Variants in ENO4 observed in about 807,000 individuals in gnomAD.
ENO4 encodes the protein enolase 4.
ENO4 carries 53 observed loss-of-function variants against 63.2 expected under a neutral mutation model. That is an observed-to-expected ratio of 0.84 (90% CI 0.67 to 1.05). The LOEUF (loss-of-function observed/expected upper bound fraction) is 1.05, where lower values mean the gene tolerates loss of function less well. ENO4 is among the 50% of genes least tolerant of loss of function. The pLI, the probability that ENO4 is intolerant of heterozygous loss-of-function variation, is 0.00. For missense variants in ENO4, 719 were observed against 772.0 expected, an observed-to-expected ratio of 0.93 and a Z score of 0.81; for synonymous variants, 266 against 283.8, an observed-to-expected ratio of 0.94 and a Z score of 0.63.
intron 1 of ENO4, 74 bp downstream of exon 1, chr10:116,849,805 G>A (rs1846011113): frequency 4.3e-6 from 6 of 1,407,618 alleles, no homozygotes; most frequent in Non-Finnish European, 5.7e-6. Flanking sequence ...AACGCCTTGC[G>A]CCTGCGCCTG....
In ENO4 at chr10:116,881,646, G is replaced by C; in HGVS notation, c.1855G>C (p.Glu619Gln). 2 of 1,546,780 alleles carry C rather than the reference G, an allele frequency of 1.3e-6. No homozygotes were observed. The highest frequency in any genetic ancestry group is 1.7e-6 in the Non-Finnish European group (2 of 1,145,302). ...FPTQGVEESA[E>Q]TGASSG ...CACACAAGGTGTAGAGGAATCAGCC[G>C]AAACAGGAGCATCCTCTGGATAGGG... is the stretch of plus-strand genomic sequence containing the variant. The change falls in exon 14 of 14, where the codon GAA (glutamate) becomes CAA (glutamine). Residue 619 changes from glutamate to glutamine, a missense_variant. Coordinates refer to ENST00000341276, the MANE Select transcript of ENO4 (RefSeq NM_001242699.2).
intron 10 of ENO4, among the ~76,000 whole-genome samples, chr10:116,896,335 GT>G (rs1847519450): frequency 6.6e-6 from 1 of 152,086 alleles, no homozygotes; most frequent in Non-Finnish European, 1.5e-5. Flanking sequence ...CTTGACTTAT[GT>G]TTCAGAAACA....
intron 10 of ENO4, among the ~76,000 whole-genome samples, chr10:116,893,575 T>TACACACACACACACACACACACACAC (rs1564861763): frequency 2.7e-3 from 2 of 740 alleles, no homozygotes; most frequent in Non-Finnish European, 6.4e-3. Context: ...GGCACTCATG[T>TACACACACACACACACACACACACAC]GCACACACAC....
intron 10 of ENO4, among the ~76,000 whole-genome samples, chr10:116,910,892 A>C (rs1416065720): frequency 6.6e-6 from 1 of 152,250 alleles, no homozygotes; most frequent in Non-Finnish European, 1.5e-5. Context: ...AAACTAAAGC[A>C]AACTAATTAA....
intron 10 of ENO4, among the ~76,000 whole-genome samples, chr10:116,888,156 G>A (rs576528019): frequency 1.3e-5 from 2 of 152,342 alleles, no homozygotes; most frequent in South Asian, 4.1e-4. Flanking sequence ...GGGACAGGCT[G>A]TGCTGTAGTG....
intron 9 of ENO4, among the ~76,000 whole-genome samples, chr10:116,871,899 GA>G (rs1846704799): frequency 6.6e-6 from 1 of 152,138 alleles, no homozygotes; most frequent in South Asian, 2.1e-4. Flanking sequence ...CAGGTTCATT[GA>G]AAAACATCCT....
At chr10:116,855,574 AAAC>A (rs1423955214) in intron 1 of ENO4, 46 bp from the exon 2 acceptor site, 17 of 1,535,178 alleles carry the variant, frequency 1.1e-5, no homozygotes, top group Admixed American at 2.0e-5. Context: ...TTTTTTCCCC[AAAC>A]AACAACTTGA....
chr10:116,859,220 GTC>G, intron 4 of ENO4, 82 bp downstream of exon 4: 1 of 1,409,508 alleles, frequency 7.1e-7, no homozygotes, highest in Non-Finnish European at 9.3e-7. Flanking sequence ...GCCTTTCTGA[GTC>G]TCTTGGCTAC....
At chr10:116,879,808 T>A (rs769646958) in intron 12 of ENO4, 61 bp from the exon 13 acceptor site, 258 of 1,250,034 alleles carry the variant, frequency 2.1e-4, no homozygotes, top group Non-Finnish European at 2.8e-4. Context: ...TTTAAAGAAT[T>A]GTTTGTCGTT....
chr10:116,856,349 A>G (rs1322624173), intron 2 of ENO4, 143 bp from the exon 3 acceptor site: 1 of 692,146 alleles, frequency 1.4e-6, no homozygotes, highest in Non-Finnish European at 2.3e-6. Context: ...CAGCTATAAA[A>G]ATATCTCAAA....
intron 10 of ENO4, among the ~76,000 whole-genome samples, chr10:116,891,519 G>T (rs762227488): frequency 6.6e-6 from 1 of 152,160 alleles, no homozygotes; most frequent in Non-Finnish European, 1.5e-5. Flanking sequence ...AAAACAGAAA[G>T]ATTTAAATTT....
chr10:116,906,223 C>G lies in ENO4; in HGVS notation c.1195-5276C>G, dbSNP rs74433477. 4.2e-3 allele frequency among the ~76,000 whole-genome samples: 637 copies of G among 152,306 alleles called. 4 individuals are homozygous for G. Among genetic ancestry groups the G allele is most frequent in the African/African-American group, 0.015 (626 of 41,576 alleles). ...TATTCTCATTATATAGATGAAGAAACTGAGGCACAAAGAGGTTCAGTAATT... is the reference window on the plus strand; with the variant it reads ...TATTCTCATTATATAGATGAAGAAAGTGAGGCACAAAGAGGTTCAGTAATT... On this transcript the variant is annotated intron_variant, in intron 10 of 10. Coordinates refer to the ENO4 transcript ENST00000369207.
At chr10:116,884,165 A>AC (rs1847099665), downstream of ENO4, 1 of 454,022 alleles carries the variant, frequency 2.2e-6, no homozygotes, top group African/African-American at 2.0e-5. Flanking sequence ...GGACGTATGT[A>AC]AGTTTTGTGT....
intron 10 of ENO4, among the ~76,000 whole-genome samples, chr10:116,895,858 A>G (rs1847498938): frequency 6.6e-6 from 1 of 152,272 alleles, no homozygotes; most frequent in Middle Eastern, 3.4e-3. Context: ...TCACCTGTAA[A>G]ATTGGGATAA....
chr10:116,874,630 T>C (rs1391514457), intron 10 of ENO4, among the ~76,000 whole-genome samples: 1 of 152,150 alleles, frequency 6.6e-6, no homozygotes, highest in Non-Finnish European at 1.5e-5. Flanking sequence ...CAAATATTTT[T>C]CAACCTAAAT....
chr10:116,900,913 T>A (rs1343093683), intron 10 of ENO4: 1 of 985,352 alleles, frequency 1.0e-6, no homozygotes, highest in Non-Finnish European at 1.2e-6. Context: ...AAAATACCAG[T>A]TGGCAAAAAT....
At position 116,856,845 on chromosome 10, in the gene ENO4, C is replaced by T. The variant is rs1234660536; in HGVS notation, c.485+163C>T. Among the ~76,000 whole-genome samples, 6 of 152,036 alleles carry T rather than the reference C, an allele frequency of 3.9e-5. 1 individual carries two copies. In the South Asian group the frequency reaches 8.3e-4, roughly 21 times the overall value. On this transcript the variant is annotated intron_variant, in intron 3 of 13. Coordinates refer to ENST00000341276, the MANE Select transcript of ENO4 (RefSeq NM_001242699.2). ...TCTACTCAAAATACAAAAAATTAGC[C>T]GGGCATGGTGGTGGGCGCCTGTAGT...
At chr10:116,850,202 T>A (rs1335035555) in intron 1 of ENO4, 3 of 226,970 alleles carry the variant, frequency 1.3e-5, no homozygotes, top group Non-Finnish European at 2.7e-5. Context: ...GGCCTCATCC[T>A]ACTGGCTCCT....
chr10:116,904,489 G>A (rs2133331267), intron 10 of ENO4, among the ~76,000 whole-genome samples: 1 of 149,338 alleles, frequency 6.7e-6, no homozygotes, highest in African/African-American at 2.5e-5. Context: ...GGAAATTTCT[G>A]CTCAATTACA....
Sources: allele counts gnomAD v4.1 joint callset (sites outside exome capture counted in the v4.1 genomes callset), GRCh38; gene constraint gnomAD v4.1.1; transcripts MANE v1.5; gene names NCBI Gene and HGNC (gene_info 2026-07-23, HGNC 2026-07-21).